The following ZC3H7B variants were observed in gnomAD, a reference collection of about 807,000 sequenced individuals.
ZC3H7B encodes zinc finger CCCH domain-containing protein 7B.
Under a neutral mutation model 116.0 loss-of-function variants are expected in ZC3H7B, and 35 were observed. That is an observed-to-expected ratio of 0.30 (90% confidence interval 0.23 to 0.40). The LOEUF (loss-of-function observed/expected upper bound fraction) is 0.40. Ranked by LOEUF, ZC3H7B falls within the 10% of genes least tolerant of loss-of-function variation. The probability of loss-of-function intolerance (pLI) is 1.00; values close to 1 mark genes in which losing one functional copy is unlikely to be tolerated. For synonymous variants in ZC3H7B, 502 were observed against 545.6 expected, an observed-to-expected ratio of 0.92 and a Z score of 1.11; for missense variants, 1,011 against 1,321.5, an observed-to-expected ratio of 0.77 and a Z score of 3.64.
intron 5 of ZC3H7B, among the ~76,000 whole-genome samples, chr22:41,328,957 C>T (rs1230612911): frequency 3.6e-5 from 5 of 138,978 alleles, no homozygotes; most frequent in Non-Finnish European, 6.1e-5. Context: ...GAGGCCGAGG[C>T]GGGTGGATCA....
At chr22:41,310,162 G>A (rs754524635) in intron 1 of ZC3H7B, among the ~76,000 whole-genome samples, 12 of 152,162 alleles carry the variant, frequency 7.9e-5, no homozygotes, top group African/African-American at 1.2e-4. Flanking sequence ...CAGAGATGGC[G>A]CCACTGCAGT....
intron 2 of ZC3H7B, among the ~76,000 whole-genome samples, chr22:41,323,647 A>G (rs1442380757): frequency 6.6e-6 from 1 of 152,200 alleles, no homozygotes; most frequent in African/African-American, 2.4e-5. Flanking sequence ...TGCTTTTCAC[A>G]TCAGTCCCGC....
Position 41,338,933 on chromosome 22 carries a change from G to T in ZC3H7B, c.626-68G>T, listed in dbSNP as rs2036479770. ...GAAAGTGTTGGATGAGCATCACGGG[G>T]CCCGGGACGCCTCCTCCACCCTCAC... On this transcript the variant is annotated intron_variant, in intron 8 of 22. Transcript: ENST00000352645. This position sits in a 1 kb window ranked among gnomAD's most constrained non-coding sequence, Gnocchi z 4.5. The T allele has an allele frequency of 7.0e-7, 1 of 1,434,018 alleles. No individual in the cohort carries two copies. Among genetic ancestry groups the T allele is most frequent in the Admixed American group, 2.4e-5 (1 of 42,156 alleles). 88.8% of individuals were successfully genotyped at this position (1,434,018 alleles called of 1,614,324 possible).
chr22:41,344,230 G>A (rs2050373546), intron 13 of ZC3H7B, among the ~76,000 whole-genome samples: 3 of 152,138 alleles, frequency 2.0e-5, no homozygotes, highest in South Asian at 2.1e-4. Context: ...CTTTGAGAGT[G>A]CACCCACGGC....
At chr22:41,335,058 G>A (rs1338941501) in intron 7 of ZC3H7B, 1 of 152,382 alleles carries the variant, frequency 6.6e-6, no homozygotes, top group Non-Finnish European at 1.5e-5. Context: ...GAGAGCTGGA[G>A]AGGGGGAAAT....
Position 41,338,752 on chromosome 22 carries a change from T to C in ZC3H7B, c.626-249T>C, listed in dbSNP as rs990610134. Among the ~76,000 whole-genome samples the C allele has an allele frequency of 6.6e-6, 1 of 152,094 alleles. No individual in the cohort carries two copies. Among genetic ancestry groups the C allele is most frequent in the Non-Finnish European group, 1.5e-5 (1 of 68,000 alleles). ...AGAAGGAGGCAGCAGTGGTGGACAT[T>C]TAGGCATTGAGCCTGGGCCAAGGAT... is the stretch of plus-strand genomic sequence containing the variant. On this transcript the variant is annotated intron_variant, in intron 8 of 22. Transcript: ENST00000352645. The surrounding 1 kb of genome is among the most constrained non-coding windows in gnomAD (Gnocchi z 4.5).
At chr22:41,331,663 G>A (rs1297365965) in intron 6 of ZC3H7B, among the ~76,000 whole-genome samples, 1 of 151,458 alleles carries the variant, frequency 6.6e-6, no homozygotes, top group African/African-American at 2.4e-5. Context: ...TTGAGCTCAG[G>A]AGTTCAAGAC....
chr22:41,357,454 G>T lies in ZC3H7B; in HGVS notation c.*25G>T. 1 of 1,605,242 alleles carries T rather than the reference G, an allele frequency of 6.2e-7. No individual in the cohort carries two copies. ...GGGCCAGGTGTTGGCCGTGGGTGAA[G>T]TCCTGGGGTCAGGGGGTGGGGTGGG... On this transcript the variant is annotated 3_prime_UTR_variant, in exon 23 of 23. Transcript: ENST00000352645. This position sits in a 1 kb window ranked among gnomAD's most constrained non-coding sequence, Gnocchi z 5.4.
intron 1 of ZC3H7B, among the ~76,000 whole-genome samples, chr22:41,310,556 A>G (rs1601761635): frequency 6.6e-6 from 1 of 152,202 alleles, no homozygotes; most frequent in East Asian, 1.9e-4. Context: ...AGGATTTCCA[A>G]GCTCCCTGGG....
rs71847593 is a variant in ZC3H7B, at chr22:41,321,213, AT to A, written c.53+520del. ...AGGTGCACACCACCATACCCAGCTA[AT>A]TTTTTTTTTTTTTTTTTTTGAGACA... On this transcript the variant is annotated intron_variant, in intron 2 of 22. Coordinates refer to ENST00000352645, the MANE Select transcript of ZC3H7B (RefSeq NM_017590.6). Among the ~76,000 whole-genome samples the A allele has an allele frequency of 5.0e-3, 653 of 129,812 alleles. 4 individuals carry two copies. The highest frequency in any genetic ancestry group is 0.012 in the African/African-American group (411 of 34,206). The allele number at this position is 129,812 out of a possible 152,430, so 85.2% of individuals were successfully genotyped here.
chr22:41,331,831 C>T (rs1569236642), intron 6 of ZC3H7B, among the ~76,000 whole-genome samples: 1 of 152,092 alleles, frequency 6.6e-6, no homozygotes, highest in Non-Finnish European at 1.5e-5. Flanking sequence ...AGATTGCATC[C>T]AGCCTAGGGG....
intron 2 of ZC3H7B, among the ~76,000 whole-genome samples, chr22:41,324,645 A>G (rs2145913866): frequency 6.6e-6 from 1 of 152,326 alleles, no homozygotes; most frequent in East Asian, 1.9e-4. Context: ...AGGAGGGAGC[A>G]GGTGCCCAGA....
rs777577417 is a variant in ZC3H7B, at chr22:41,325,769, C to G, written c.136C>G (p.Leu46Val). Residue 46 changes from leucine to valine, a missense_variant, in exon 4 of 23, where the codon CTG becomes GTG. Leu to Val is a conservative substitution (Grantham distance 32). Coordinates refer to ENST00000352645, the MANE Select transcript of ZC3H7B (RefSeq NM_017590.6). ...VQNLFAEGND[L>V]FREKDYKQAL... ...GAATCTGTTTGCTGAGGGCAATGAT[C>G]TGTTCCGGGAGAAGGACTATAAGCA... The G allele has an allele frequency of 6.2e-7, 1 of 1,614,012 alleles. No individual in the cohort carries two copies. Among genetic ancestry groups the G allele is most frequent in the South Asian group, 1.1e-5 (1 of 91,016 alleles).
At chr22:41,343,706 C>G (rs961836124) in intron 13 of ZC3H7B, 130 bp downstream of exon 13, 22 of 1,303,444 alleles carry the variant, frequency 1.7e-5, no homozygotes, top group Non-Finnish European at 2.1e-5. Context: ...AGGAGAAAGC[C>G]ACGGCCTAGG....
In ZC3H7B at chr22:41,346,883, C is replaced by T. The variant is rs761028559; in HGVS notation, c.1665+675C>T. 6.6e-6 allele frequency among the ~76,000 whole-genome samples: 1 copy of T among 151,298 alleles called. No individual in the cohort carries two copies. The highest frequency in any genetic ancestry group is 1.5e-5 in the Non-Finnish European group (1 of 67,914). ...GAGGCTAAGGTGGGAGGATTGATTG[C>T]TTGCGTCCAGGAGGTAGAGGCTGCA... On this transcript the variant is annotated intron_variant, in intron 14 of 22. Coordinates refer to ENST00000352645, the MANE Select transcript of ZC3H7B (RefSeq NM_017590.6). The surrounding 1 kb of genome is among the most constrained non-coding windows in gnomAD (Gnocchi z 5.3).
At chr22:41,329,981 C>A in intron 5 of ZC3H7B, 42 bp from the exon 6 acceptor site, 1 of 1,606,694 alleles carries the variant, frequency 6.2e-7, no homozygotes, top group Non-Finnish European at 8.5e-7. Context: ...CTTTGTGAGC[C>A]CGGGCAGACT....
At chr22:41,332,430 C>G (rs931863997) in intron 7 of ZC3H7B, 8 of 612,908 alleles carry the variant, frequency 1.3e-5, no homozygotes, top group Non-Finnish European at 2.0e-5. Flanking sequence ...GGGGAGCCGC[C>G]GGGGGCAGCC....
chr22:41,325,582 G>T lies in ZC3H7B; in HGVS notation c.72G>T (p.Lys24Asn), dbSNP rs2036307287. The T allele has an allele frequency of 6.2e-7, 1 of 1,611,934 alleles. No homozygotes were observed. Among genetic ancestry groups the T allele is most frequent in the Non-Finnish European group, 8.5e-7 (1 of 1,179,144 alleles). The change falls in exon 3 of 23, where the codon AAG becomes AAT. Residue 24 changes from lysine to asparagine, a missense_variant. Lys to Asn is a moderately conservative substitution (Grantham distance 94). Around this residue, in one of 5 missense-constraint regions of ZC3H7B, gnomAD observed 322 missense variants for 443.9 expected, o/e 0.73. Coordinates refer to ENST00000352645, the MANE Select transcript of ZC3H7B (RefSeq NM_017590.6). The part of the protein sequence containing the change: ...LQFIQSTLPL[K>N]QEEYEAFLLK... ...CTGATAGGTCGACACTACCCCTAAA[G>T]CAAGAAGAATATGAGGTGAGTGTCA...
intron 1 of ZC3H7B, 146 bp downstream of exon 1, chr22:41,301,918 G>A (rs1456518597): frequency 1.3e-5 from 2 of 152,016 alleles, no homozygotes; most frequent in Non-Finnish European, 2.9e-5. Context: ...CCGGGGCCGC[G>A]CGCCGGGCCA....
Sources: gnomAD v4.1 joint callset for allele counts (sites outside exome capture counted in the v4.1 genomes callset) on GRCh38, gnomAD v4.1.1 for gene constraint, gnomAD v4.1.1 regional missense constraint, Gnocchi (gnomAD v3.1) non-coding constraint, MANE v1.5 for transcripts, NCBI Gene and HGNC (gene_info 2026-07-23, HGNC 2026-07-21) for gene names.